The following DAPP1 variants were observed in gnomAD, a reference collection of about 807,000 sequenced individuals.
DAPP1 encodes the protein dual adapter for phosphotyrosine and 3-phosphotyrosine and 3-phosphoinositide.
DAPP1 carries 20 observed loss-of-function variants against 41.5 expected under a neutral mutation model. The observed-to-expected ratio is 0.48, with a 90% CI of 0.34 to 0.70. The LOEUF is 0.70. Ranked by LOEUF, DAPP1 falls within the 30% of genes least tolerant of loss-of-function variation. The pLI is 0.01. For synonymous variants in DAPP1, 113 were observed against 116.2 expected, an observed-to-expected ratio of 0.97 and a Z score of 0.18; for missense variants, 233 against 333.4, an observed-to-expected ratio of 0.70 and a Z score of 2.35.
chr4:99,860,554 T>C (rs1724202479), intron 4 of DAPP1, among the ~76,000 whole-genome samples: 2 of 152,224 alleles, frequency 1.3e-5, no homozygotes, highest in Non-Finnish European at 2.9e-5. Flanking sequence ...TTATCCTTAC[T>C]TTTATATCAT....
In DAPP1 at chr4:99,869,568, TTTG is replaced by T. The variant is rs1239385118; in HGVS notation, c.*1386_*1388del. 1 of 152,234 alleles carries T rather than the reference TTTG, an allele frequency of 6.6e-6. No homozygotes were observed. Among genetic ancestry groups the T allele is most frequent in the East Asian group, 1.9e-4 (1 of 5,198 alleles). 9.4% of individuals were successfully genotyped at this position (152,234 alleles called of 1,614,324 possible). On this transcript the variant is annotated 3_prime_UTR_variant, in exon 9 of 9. Coordinates refer to ENST00000512369, the MANE Select transcript of DAPP1 (RefSeq NM_014395.3). The stretch of plus-strand genomic sequence containing the variant: ...TATTTCAACAACATTTTAAATGTAT[TTTG>T]TTATGTTTGTATTATATAGGATAAA...
intron 2 of DAPP1, among the ~76,000 whole-genome samples, chr4:99,839,613 G>A (rs1214563218): frequency 2.0e-5 from 3 of 152,084 alleles, no homozygotes; most frequent in South Asian, 2.1e-4. Context: ...AAAGCCCAAG[G>A]CAGAGGAGAG....
intron 2 of DAPP1, among the ~76,000 whole-genome samples, chr4:99,836,417 G>A (rs1578356926): frequency 6.6e-6 from 1 of 152,296 alleles, no homozygotes; most frequent in East Asian, 1.9e-4. Flanking sequence ...AGTCGCATCT[G>A]ACACTCTGGC....
intron 2 of DAPP1, 72 bp from the exon 3 acceptor site, chr4:99,840,217 C>G: frequency 9.1e-7 from 1 of 1,099,386 alleles, no homozygotes. Context: ...ATGCTAACAT[C>G]TGAGATCATA....
In DAPP1 at chr4:99,869,225, A is replaced by G. The variant is rs1195232169; in HGVS notation, c.*1040A>G. 6.6e-6 allele frequency: 1 copy of G among 152,214 alleles called. No homozygotes were observed. Among genetic ancestry groups the G allele is most frequent in the African/African-American group, 2.4e-5 (1 of 41,450 alleles). The allele number at this position is 152,214 out of a possible 1,614,324, so 9.4% of individuals were successfully genotyped here. A position where few individuals can be genotyped will look rare whatever the true frequency, so the allele number is the denominator to read the frequency against. On this transcript the variant is annotated 3_prime_UTR_variant, in exon 9 of 9. Transcript: ENST00000512369. ...CAGTCGGGGGAGTAACACTAAAGCT[A>G]CAAGAAATATGTAATAATGATAGGT... is the stretch of plus-strand genomic sequence containing the variant.
intron 3 of DAPP1, among the ~76,000 whole-genome samples, chr4:99,848,320 C>T (rs1275267819): frequency 2.6e-5 from 4 of 151,726 alleles, no homozygotes; most frequent in South Asian, 2.1e-4. Flanking sequence ...CTCCGCCTCC[C>T]GGGTTAAAGG....
In DAPP1 at chr4:99,860,887, C is replaced by A. The variant is rs573896885; in HGVS notation, c.490-691C>A. On this transcript the variant is annotated intron_variant, in intron 4 of 8. Coordinates refer to ENST00000512369, the MANE Select transcript of DAPP1 (RefSeq NM_014395.3). ...AATTTCTGTTCACACAATTCTCCAC[C>A]CTTATATTTCGTAGGTGTTAGCTAA... Among the ~76,000 whole-genome samples the A allele has an allele frequency of 3.0e-4, 45 of 152,258 alleles. No individual in the cohort carries two copies. In the East Asian group the frequency reaches 8.5e-3, roughly 29 times the overall value.
chr4:99,861,756 A>G (rs1399379462), intron 5 of DAPP1, 131 bp downstream of exon 5: 1 of 1,069,872 alleles, frequency 9.3e-7, no homozygotes, highest in Admixed American at 2.4e-5. Flanking sequence ...TGTAATATTC[A>G]CCTGACTCAA....
chr4:99,858,723 T>G (rs1356178640), intron 4 of DAPP1, among the ~76,000 whole-genome samples: 1 of 152,200 alleles, frequency 6.6e-6, no homozygotes, highest in Non-Finnish European at 1.5e-5. Context: ...TTGGTTGTCA[T>G]TCTACTGTAA....
At chr4:99,866,635 C>T (rs760774208) in intron 8 of DAPP1, 6 of 763,012 alleles carry the variant, frequency 7.9e-6, no homozygotes, top group Non-Finnish European at 1.4e-5. Context: ...ACTTATAAAA[C>T]TTCACCAATC....
chr4:99,817,986 C>A (rs1722647593), intron 1 of DAPP1, among the ~76,000 whole-genome samples: 1 of 152,182 alleles, frequency 6.6e-6, no homozygotes, highest in African/African-American at 2.4e-5. Context: ...AGCTGGGCAT[C>A]CAACCTACCA....
rs537679889 is a variant in DAPP1 at position 99,850,964 on chromosome 4, G to A, written c.359-2254G>A. The stretch of plus-strand genomic sequence containing the variant: ...CCAAGGCCGATAAGTACTGAATGGC[G>A]GTAGTGACAATTGAACCCTGTTCCT... On this transcript the variant is annotated intron_variant, in intron 3 of 8. Coordinates refer to ENST00000512369, the MANE Select transcript of DAPP1 (RefSeq NM_014395.3). 7.2e-5 allele frequency among the ~76,000 whole-genome samples: 11 copies of A among 152,278 alleles called. No individual in the cohort carries two copies. The South Asian group carries it at 1.2e-3, about 17-fold the overall frequency.
At chr4:99,848,372 C>G (rs527844811) in intron 3 of DAPP1, among the ~76,000 whole-genome samples, 1 of 151,604 alleles carries the variant, frequency 6.6e-6, no homozygotes, top group Non-Finnish European at 1.5e-5. Flanking sequence ...GGACTACAGA[C>G]GCATGCCACC....
At chr4:99,858,393 A>G (rs901341608) in intron 4 of DAPP1, among the ~76,000 whole-genome samples, 1 of 152,240 alleles carries the variant, frequency 6.6e-6, no homozygotes, top group Non-Finnish European at 1.5e-5. Context: ...GTTGGCTACA[A>G]ATACCACAAA....
chr4:99,841,050 T>C (rs1383077771), intron 3 of DAPP1, among the ~76,000 whole-genome samples: 2 of 152,248 alleles, frequency 1.3e-5, no homozygotes, highest in African/African-American at 4.8e-5. Context: ...TTATTTATAT[T>C]ATTTTAATGA....
At chr4:99,820,281 A>G (rs891785905) in intron 1 of DAPP1, among the ~76,000 whole-genome samples, 54 of 152,234 alleles carry the variant, frequency 3.5e-4, no homozygotes, top group African/African-American at 1.3e-3. Context: ...AATACTGGAG[A>G]TATCACCTAA....
In DAPP1 at chr4:99,840,353, A is replaced by G; in HGVS notation, c.289A>G (p.Asn97Asp). The G allele has an allele frequency of 1.1e-5, 18 of 1,610,892 alleles. No homozygotes were observed. The highest frequency in any genetic ancestry group is 1.5e-5 in the Non-Finnish European group (18 of 1,178,904). Residue 97 changes from asparagine to aspartate, a missense_variant, in exon 3 of 9, where the codon AAT becomes GAT. By Grantham distance (23) the Asn-to-Asp change is conservative. Coordinates refer to ENST00000512369, the MANE Select transcript of DAPP1 (RefSeq NM_014395.3). Reference protein sequence around the residue: ...YTGYSFKFGFNEFSSLKDFVK... With the variant: ...YTGYSFKFGFDEFSSLKDFVK... ...TGGATATTCATTTAAATTTGGCTTT[A>G]ATGAATTCTCATCTTTGAAGGATTT...
intron 3 of DAPP1, among the ~76,000 whole-genome samples, chr4:99,850,963 C>T (rs770984033): frequency 7.2e-5 from 11 of 152,152 alleles, no homozygotes; most frequent in African/African-American, 2.4e-4. Context: ...TACTGAATGG[C>T]GGTAGTGACA....
chr4:99,853,326 A>T lies in DAPP1; in HGVS notation c.467A>T (p.Asp156Val), dbSNP rs1014853943. The T allele has an allele frequency of 8.1e-6, 13 of 1,610,470 alleles. No homozygotes were observed. The highest frequency in any genetic ancestry group is 9.3e-6 in the Non-Finnish European group (11 of 1,178,158). Residue 156 changes from aspartate (D) to valine (V), a missense_variant, in exon 4 of 9, where the codon GAC (aspartate) becomes GTC (valine). By Grantham distance (152) the Asp-to-Val change is radical. Transcript: ENST00000512369. ...TAMQTGRTED[D>V]LVPTAPSLGT... is the part of the protein sequence containing the mutation. ...ATGCAGACAGGAAGAACAGAAGATG[A>T]CCTTGTGCCCACAGCACCTTCTGTA...
Sources: gnomAD v4.1 joint callset for allele counts (sites outside exome capture counted in the v4.1 genomes callset) on GRCh38, gnomAD v4.1.1 for gene constraint, MANE v1.5 for transcripts, NCBI Gene and HGNC (gene_info 2026-07-23, HGNC 2026-07-21) for gene names.